The following PLXNA4 variants were observed in gnomAD, a reference collection of about 807,000 sequenced individuals.
The protein encoded by PLXNA4 is plexin A4, also known as plexin-A4.
Under a neutral mutation model 191.8 loss-of-function variants are expected in PLXNA4, and 44 were observed. That is an observed-to-expected ratio of 0.23 (90% CI 0.18 to 0.29). The LOEUF (loss-of-function observed/expected upper bound fraction) is 0.29. Among genes scored for constraint, PLXNA4 ranks in the 10% least tolerant of loss-of-function variants. The pLI is 1.00. For synonymous variants in PLXNA4, 1,082 were observed against 1,009.5 expected, an observed-to-expected ratio of 1.07 and a Z score of -1.36; for missense variants, 1,800 against 2,488.8, an observed-to-expected ratio of 0.72 and a Z score of 5.89.
At chr7:132,382,087 GGGGACTTTTCT>G (rs1804920121) in intron 3 of PLXNA4, among the ~76,000 whole-genome samples, 1 of 152,188 alleles carries the variant, frequency 6.6e-6, no homozygotes, top group Admixed American at 6.5e-5. Flanking sequence ...AAAGAAAGCT[GGGGACTTTTCT>G]GGGCTGAGTA....
intron 1 of PLXNA4, among the ~76,000 whole-genome samples, chr7:132,527,236 A>AG (rs1799433968): frequency 1.3e-5 from 2 of 152,090 alleles, no homozygotes; most frequent in African/African-American, 4.8e-5. Context: ...GGACCTCAGC[A>AG]CCTCCTCAAG....
At chr7:132,220,529 A>C (rs961446190) in intron 9 of PLXNA4, among the ~76,000 whole-genome samples, 3 of 152,168 alleles carry the variant, frequency 2.0e-5, no homozygotes, top group Non-Finnish European at 4.4e-5. Flanking sequence ...CAGGCTCACC[A>C]TACTATGGCT....
intron 3 of PLXNA4, among the ~76,000 whole-genome samples, chr7:132,485,207 A>C (rs1342986082): frequency 6.6e-6 from 1 of 152,206 alleles, no homozygotes; most frequent in Non-Finnish European, 1.5e-5. Context: ...AGACACATGG[A>C]TGCATGTCCC....
intron 3 of PLXNA4, among the ~76,000 whole-genome samples, chr7:132,411,167 A>G (rs1794444416): frequency 2.0e-5 from 3 of 152,200 alleles, no homozygotes; most frequent in African/African-American, 4.8e-5. Flanking sequence ...ACTTCTAATT[A>G]ATGAGTTGCT....
chr7:132,443,462 A>C (rs1795775222), intron 3 of PLXNA4, among the ~76,000 whole-genome samples: 1 of 152,186 alleles, frequency 6.6e-6, no homozygotes, highest in Non-Finnish European at 1.5e-5. Flanking sequence ...TGCAAACGAG[A>C]AACTGATGGT....
intron 3 of PLXNA4, among the ~76,000 whole-genome samples, chr7:132,422,943 C>T (rs1350486437): frequency 2.0e-5 from 3 of 152,184 alleles, no homozygotes; most frequent in Non-Finnish European, 4.4e-5. Context: ...CTCCCACAGC[C>T]GAGGGAGCCA....
intron 21 of PLXNA4, among the ~76,000 whole-genome samples, chr7:132,169,223 ACTCT>A (rs1796211955): frequency 6.6e-6 from 1 of 152,060 alleles, no homozygotes; most frequent in Non-Finnish European, 1.5e-5. Context: ...TTTCTTAGGG[ACTCT>A]CTCTAAGACC....
intron 2 of PLXNA4, among the ~76,000 whole-genome samples, chr7:132,492,448 G>A (rs868685930): frequency 2.6e-5 from 4 of 152,178 alleles, no homozygotes; most frequent in Admixed American, 6.5e-5. Context: ...AGAACCTCTT[G>A]AAGCAAGAAG....
Position 132,623,057 on chromosome 7 carries a change from A to G in PLXNA4, c.-87+22871T>C, listed in dbSNP as rs997709142. Among the ~76,000 whole-genome samples, 21 of 152,136 alleles carry G rather than the reference A, an allele frequency of 1.4e-4. 1 individual carries two copies. Among genetic ancestry groups the G allele is most frequent in the Admixed American group, 3.9e-4 (6 of 15,276 alleles). ...CCCTTCTCCATTGGGTATAAGAACT[A>G]AAATTGGCTGGGCATGGTGGCTCAC... On this transcript the variant is annotated intron_variant, in intron 2 of 4. Transcript: ENST00000378539.
chr7:132,235,692 G>A (rs1324230079), intron 5 of PLXNA4, among the ~76,000 whole-genome samples: 2 of 152,172 alleles, frequency 1.3e-5, no homozygotes, highest in African/African-American at 4.8e-5. Flanking sequence ...CGATGCGGCT[G>A]GGTCTGCTGG....
At chr7:132,593,686 C>T (rs1451569681) in intron 2 of PLXNA4, among the ~76,000 whole-genome samples, 1 of 152,218 alleles carries the variant, frequency 6.6e-6, no homozygotes, top group Non-Finnish European at 1.5e-5. Flanking sequence ...CTCACTGGCT[C>T]AGCCTAAGGC....
intron 2 of PLXNA4, among the ~76,000 whole-genome samples, chr7:132,607,511 G>T (rs757573724): frequency 1.3e-5 from 2 of 152,208 alleles, no homozygotes; most frequent in African/African-American, 4.8e-5. Context: ...GTTCTGAAAC[G>T]TAATAACAAG....
intron 2 of PLXNA4, among the ~76,000 whole-genome samples, chr7:132,491,640 A>AC (rs1173672431): frequency 2.6e-5 from 4 of 151,406 alleles, no homozygotes. Context: ...TTAAAAGAAA[A>AC]AAAAAAAGAA....
At chr7:132,610,448 A>G (rs1422098854) in intron 2 of PLXNA4, among the ~76,000 whole-genome samples, 1 of 152,158 alleles carries the variant, frequency 6.6e-6, no homozygotes, top group East Asian at 1.9e-4. Context: ...CTCTGAAGGA[A>G]GCTCTTCAGT....
In PLXNA4 at chr7:132,124,285, A is replaced by G; in HGVS notation, c.*6194T>C. On this transcript the variant is annotated 3_prime_UTR_variant, in exon 32 of 32. Transcript: ENST00000321063. ...GGTTTAACAAGTCAACAAGCTAACTAGAACGTCGGGGAGGGAGAGGAAAGG... is the reference window on the plus strand; with the variant it reads ...GGTTTAACAAGTCAACAAGCTAACTGGAACGTCGGGGAGGGAGAGGAAAGG... The G allele has an allele frequency of 6.6e-6, 1 of 152,242 alleles. No homozygotes were observed. The highest frequency in any genetic ancestry group is 1.9e-4 in the East Asian group (1 of 5,196). 9.4% of individuals were successfully genotyped at this position (152,242 alleles called of 1,614,324 possible).
intron 4 of PLXNA4, among the ~76,000 whole-genome samples, chr7:132,280,101 A>G (rs2116388421): frequency 6.6e-6 from 1 of 152,184 alleles, no homozygotes; most frequent in Admixed American, 6.5e-5. Flanking sequence ...TCTGGTCATG[A>G]CCCTTTAAAT....
intron 1 of PLXNA4, among the ~76,000 whole-genome samples, chr7:132,563,335 C>T (rs1194414225): frequency 6.6e-4 from 74 of 111,692 alleles, no homozygotes; most frequent in Non-Finnish European, 9.2e-4. Context: ...TCCTCCTCCT[C>T]CTTCTCCTCC....
chr7:132,633,378 G>A (rs150272454), intron 2 of PLXNA4, among the ~76,000 whole-genome samples: 2,755 of 151,350 alleles, frequency 0.018, 78 homozygotes, highest in African/African-American at 0.063. Context: ...CACCTCCCAA[G>A]TTCAAGCGAT....
At chr7:132,562,631 T>C (rs1324386009) in intron 1 of PLXNA4, among the ~76,000 whole-genome samples, 318 of 51,864 alleles carry the variant, frequency 6.1e-3, no homozygotes, top group East Asian at 8.3e-3. Context: ...TCCTCCTCCT[T>C]CTCCTCCTCT....
Sources: gnomAD v4.1 joint callset for allele counts (sites outside exome capture counted in the v4.1 genomes callset) on GRCh38, gnomAD v4.1.1 for gene constraint, MANE v1.5 for transcripts, NCBI Gene and HGNC (gene_info 2026-07-23, HGNC 2026-07-21) for gene names.